The following ZDHHC21 variants were observed in gnomAD, a reference collection of about 807,000 sequenced individuals.
The protein encoded by ZDHHC21 is palmitoyltransferase ZDHHC21.
A neutral mutation model predicts 34.6 loss-of-function variants in ZDHHC21; 15 were observed. The observed-to-expected ratio is 0.43, with a 90% confidence interval of 0.29 to 0.67. The LOEUF (loss-of-function observed/expected upper bound fraction) is 0.67, where lower values mean the gene tolerates loss of function less well. ZDHHC21 is among the 30% of genes least tolerant of loss of function. ZDHHC21 has a pLI of 0.14. For synonymous variants in ZDHHC21, 142 were observed against 101.8 expected (o/e 1.40, Z -2.38); for missense variants, 344 against 327.7 (o/e 1.05, Z -0.38).
intron 7 of ZDHHC21, among the ~76,000 whole-genome samples, chr9:14,645,723 C>A (rs1481606872): frequency 6.6e-6 from 1 of 152,008 alleles, no homozygotes; most frequent in African/African-American, 2.4e-5. Context: ...AAACGCCCTA[C>A]AATTACCAAG....
chr9:14,682,308 G>C (rs1214731104), intron 2 of ZDHHC21, among the ~76,000 whole-genome samples: 3 of 152,102 alleles, frequency 2.0e-5, no homozygotes, highest in Non-Finnish European at 4.4e-5. Context: ...CTCACGTGCA[G>C]AGACACACAT....
intron 2 of ZDHHC21, 60 bp from the exon 3 acceptor site, chr9:14,680,222 T>C (rs527568954): frequency 1.3e-5 from 2 of 152,432 alleles, no homozygotes; most frequent in South Asian, 2.1e-4. Context: ...AGCAACTAAA[T>C]ATTCTAACTG....
At chr9:14,690,213 C>T (rs2131712381) in intron 2 of ZDHHC21, 124 bp downstream of exon 2, 1 of 343,700 alleles carries the variant, frequency 2.9e-6, no homozygotes, top group Non-Finnish European at 5.6e-6. Context: ...TAGTACCCAC[C>T]ACACCAAGAG....
At chr9:14,653,756 T>C (rs893600160) in intron 7 of ZDHHC21, among the ~76,000 whole-genome samples, 1 of 152,042 alleles carries the variant, frequency 6.6e-6, no homozygotes, top group African/African-American at 2.4e-5. Context: ...CCTGGAGTTA[T>C]GCAATTAGGC....
chr9:14,605,644 T>G, the ZDHHC21 span, among the ~76,000 whole-genome samples: 2 of 152,246 alleles, frequency 1.3e-5, no homozygotes. Flanking sequence ...AGACTGCCAT[T>G]TGATTCTATT....
At chr9:14,681,494 G>C (rs947296581) in intron 2 of ZDHHC21, among the ~76,000 whole-genome samples, 2 of 152,202 alleles carry the variant, frequency 1.3e-5, no homozygotes, top group South Asian at 2.1e-4. Context: ...ATGCCAGTGA[G>C]TTTGGATTTC....
At chr9:14,659,056 T>C (rs998091399) in intron 6 of ZDHHC21, among the ~76,000 whole-genome samples, 169 bp from the exon 7 acceptor site, 1 of 152,128 alleles carries the variant, frequency 6.6e-6, no homozygotes, top group African/African-American at 2.4e-5. Context: ...ACTATAAATA[T>C]ACCATCTTAT....
chr9:14,640,175 T>A (rs187413423), intron 7 of ZDHHC21, among the ~76,000 whole-genome samples, 163 bp from the exon 8 acceptor site: 9 of 152,002 alleles, frequency 5.9e-5, no homozygotes. Flanking sequence ...ATAAATATTT[T>A]AAAATTTCAA....
At chr9:14,598,259 T>A in the ZDHHC21 span, among the ~76,000 whole-genome samples, 1 of 152,018 alleles carries the variant, frequency 6.6e-6, no homozygotes, top group African/African-American at 2.4e-5. Flanking sequence ...GCTCACCTGG[T>A]GTCCTCATCT....
At chr9:14,662,938 T>C (rs1396543159) in intron 5 of ZDHHC21, among the ~76,000 whole-genome samples, 2 of 152,136 alleles carry the variant, frequency 1.3e-5, no homozygotes, top group South Asian at 2.1e-4. Context: ...ATAGTTTCAG[T>C]AGTGAAAAAT....
intron 5 of ZDHHC21, among the ~76,000 whole-genome samples, chr9:14,670,567 G>A (rs1024573263): frequency 5.9e-5 from 9 of 151,974 alleles, no homozygotes; most frequent in Admixed American, 5.2e-4. Flanking sequence ...CCATAAAGCT[G>A]AAAATATTTA....
intron 5 of ZDHHC21, among the ~76,000 whole-genome samples, chr9:14,664,161 G>A (rs560734707): frequency 8.1e-4 from 123 of 151,820 alleles, no homozygotes; most frequent in African/African-American, 2.8e-3. Flanking sequence ...CGCACCGTGC[G>A]CGAGCCGAAG....
intron 3 of ZDHHC21, among the ~76,000 whole-genome samples, 154 bp from the exon 4 acceptor site, chr9:14,674,539 T>G (rs569177392): frequency 6.6e-6 from 1 of 152,200 alleles, no homozygotes; most frequent in South Asian, 2.1e-4. Flanking sequence ...TTTCTTTGTA[T>G]ATATATTTTT....
At chr9:14,619,952 C>A (rs969808454) in intron 8 of ZDHHC21, among the ~76,000 whole-genome samples, 1 of 151,442 alleles carries the variant, frequency 6.6e-6, no homozygotes, top group Non-Finnish European at 1.5e-5. Context: ...TAAAATATAA[C>A]CTTTTATTAC....
intron 8 of ZDHHC21, among the ~76,000 whole-genome samples, chr9:14,630,027 A>G (rs1463380542): frequency 6.6e-6 from 1 of 152,192 alleles, no homozygotes; most frequent in East Asian, 1.9e-4. Context: ...GCCTGGCGAC[A>G]GAGAGAGACT....
chr9:14,652,036 A>C (rs889648591), intron 7 of ZDHHC21, among the ~76,000 whole-genome samples: 2 of 151,980 alleles, frequency 1.3e-5, no homozygotes, highest in Non-Finnish European at 2.9e-5. Flanking sequence ...ATAAATGCAA[A>C]TGATGCAAAC....
chr9:14,657,155 T>C lies in ZDHHC21; in HGVS notation c.504+1594A>G, dbSNP rs577620558. 7.2e-4 allele frequency among the ~76,000 whole-genome samples: 110 copies of C among 152,180 alleles called. 1 individual carries two copies. Among genetic ancestry groups the C allele is most frequent in the Middle Eastern group, 3.4e-3 (1 of 294 alleles). ...AACGTCTTAATACTTCATTTGATTA[T>C]TGGAATTTCCTTAGTTGGTCATCAA... is the stretch of plus-strand genomic sequence containing the variant. On this transcript the variant is annotated intron_variant, in intron 7 of 9. Transcript: ENST00000380916.
At chr9:14,665,218 C>T (rs911178874) in intron 5 of ZDHHC21, among the ~76,000 whole-genome samples, 2 of 134,334 alleles carry the variant, frequency 1.5e-5, no homozygotes, top group Non-Finnish European at 3.2e-5. Context: ...CCTCAGGAGC[C>T]GATGCGATCA....
In ZDHHC21 at chr9:14,677,341, C is replaced by T. The variant is rs183664034; in HGVS notation, c.-46+2692G>A. ...CTCCACATAATCCTCTCAATTGGGT[C>T]GTAGAACACAAAACAGTGATCTTCC... On this transcript the variant is annotated intron_variant, in intron 3 of 9. Transcript: ENST00000380916. 3.9e-5 allele frequency: 6 copies of T among 151,978 alleles called. No homozygotes were observed. In the East Asian group the frequency reaches 7.7e-4, roughly 20 times the overall value. The allele number at this position is 151,978 out of a possible 1,614,324, so 9.4% of individuals were successfully genotyped here.
Sources: gnomAD v4.1 joint callset for allele counts (sites outside exome capture counted in the v4.1 genomes callset) on GRCh38, gnomAD v4.1.1 for gene constraint, MANE v1.5 for transcripts, NCBI Gene and HGNC (gene_info 2026-07-23, HGNC 2026-07-21) for gene names.